The following BIRC6 variants were observed in gnomAD, a reference collection of about 807,000 sequenced individuals.
BIRC6 encodes the protein baculoviral IAP repeat containing 6.
A neutral mutation model predicts 503.3 loss-of-function variants in BIRC6; 98 were observed. The observed-to-expected ratio is 0.19, with a 90% CI of 0.17 to 0.23. The LOEUF (loss-of-function observed/expected upper bound fraction) is 0.23, where lower values mean the gene tolerates loss of function less well. Ranked by LOEUF, BIRC6 falls within the 10% of genes least tolerant of loss-of-function variation. The pLI, the probability that BIRC6 is intolerant of heterozygous loss-of-function variation, is 1.00. For missense variants in BIRC6, 5,360 were observed against 5,806.0 expected, an observed-to-expected ratio of 0.92 and a Z score of 2.50; for synonymous variants, 2,240 against 2,078.7, an observed-to-expected ratio of 1.08 and a Z score of -2.11.
At chr2:32,425,466 A>G (rs1173073188) in intron 10 of BIRC6, among the ~76,000 whole-genome samples, 1 of 140,430 alleles carries the variant, frequency 7.1e-6, no homozygotes, top group Non-Finnish European at 1.5e-5. Context: ...TAAATGGGCC[A>G]TACTTTGCTG....
chr2:32,490,887 A>T (rs1413125189), intron 43 of BIRC6, among the ~76,000 whole-genome samples: 2 of 152,016 alleles, frequency 1.3e-5, no homozygotes, highest in Non-Finnish European at 2.9e-5. Context: ...TTTCATTTGG[A>T]ATGTATTTTC....
intron 61 of BIRC6, among the ~76,000 whole-genome samples, chr2:32,542,145 T>A (rs2057710859): frequency 6.6e-6 from 1 of 152,058 alleles, no homozygotes; most frequent in Admixed American, 6.6e-5. Flanking sequence ...TACACATGTA[T>A]ACATACATGT....
intron 16 of BIRC6, among the ~76,000 whole-genome samples, chr2:32,440,442 T>C (rs2045283700): frequency 6.6e-6 from 1 of 152,156 alleles, no homozygotes; most frequent in Admixed American, 6.5e-5. Context: ...CTGTGAACCA[T>C]GCAGCTCCTT....
intron 15 of BIRC6, among the ~76,000 whole-genome samples, chr2:32,438,376 A>G (rs1482930266): frequency 6.6e-6 from 1 of 152,224 alleles, no homozygotes; most frequent in Admixed American, 6.5e-5. Context: ...GTAGCTAAGT[A>G]GAGTGATAGC....
intron 26 of BIRC6, 70 bp from the exon 27 acceptor site, chr2:32,467,455 A>G (rs376700285): frequency 8.8e-6 from 11 of 1,250,868 alleles, no homozygotes; most frequent in African/African-American, 4.5e-5. Flanking sequence ...GAGTGCTCCA[A>G]ATTATTTTTG....
intron 51 of BIRC6, among the ~76,000 whole-genome samples, chr2:32,508,974 C>T (rs964531068): frequency 6.6e-6 from 1 of 151,566 alleles, no homozygotes; most frequent in African/African-American, 2.4e-5. Flanking sequence ...GAGGCTGAGG[C>T]AGGAGAATCG....
intron 1 of BIRC6, among the ~76,000 whole-genome samples, chr2:32,370,415 T>G (rs1350993191): frequency 6.6e-6 from 1 of 152,208 alleles, no homozygotes; most frequent in Non-Finnish European, 1.5e-5. Flanking sequence ...GAACCTCTTC[T>G]GTGCTTAAGT....
Position 32,386,103 on chromosome 2 carries a change from T to G in BIRC6, c.646-2647T>G, listed in dbSNP as rs77205671. On this transcript the variant is annotated intron_variant, in intron 3 of 73. Coordinates refer to ENST00000421745, the MANE Select transcript of BIRC6 (RefSeq NM_016252.4). ...GATGTAGTGGACCATTATGTTGATC[T>G]GCAGGATGTTAGGATGATCAGGATT... 3.2e-3 allele frequency among the ~76,000 whole-genome samples: 493 copies of G among 152,354 alleles called. 1 individual carries two copies. Among genetic ancestry groups the G allele is most frequent in the African/African-American group, 0.011 (467 of 41,586 alleles).
In BIRC6 at chr2:32,358,233, C is replaced by T. The variant is rs977667573; in HGVS notation, c.325+747C>T. On this transcript the variant is annotated intron_variant, in intron 1 of 73. Transcript: ENST00000421745. ...GACCTGTGGTGTATGAAATAGATTCCTTTGGGTTTGTAACTTCAGGCTGTC... is the reference window on the plus strand; with the variant it reads ...GACCTGTGGTGTATGAAATAGATTCTTTTGGGTTTGTAACTTCAGGCTGTC... Among the ~76,000 whole-genome samples the T allele has an allele frequency of 2.6e-5, 4 of 152,166 alleles. No individual in the cohort carries two copies. In the South Asian group the frequency reaches 6.2e-4, roughly 24 times the overall value.
At chr2:32,535,150 C>CAAAAAAA (rs1158856665) in intron 61 of BIRC6, among the ~76,000 whole-genome samples, 1 of 7,274 alleles carries the variant, frequency 1.4e-4, no homozygotes, top group Non-Finnish European at 2.8e-4. Flanking sequence ...CCCAAAAAAG[C>CAAAAAAA]AAAAAAAAAA....
At chr2:32,464,936 C>G in intron 25 of BIRC6, 113 bp downstream of exon 25, 1 of 1,396,318 alleles carries the variant, frequency 7.2e-7, no homozygotes, top group Non-Finnish European at 9.6e-7. Flanking sequence ...AAGTTATTTT[C>G]TTTTATAAAA....
intron 11 of BIRC6, among the ~76,000 whole-genome samples, chr2:32,429,612 A>T (rs1049042707): frequency 2.6e-5 from 4 of 151,996 alleles, no homozygotes; most frequent in African/African-American, 9.7e-5. Context: ...GTCACTGAGG[A>T]TATATTTAGG....
intron 66 of BIRC6, among the ~76,000 whole-genome samples, chr2:32,576,270 C>T (rs2060257936): frequency 6.6e-6 from 1 of 152,164 alleles, no homozygotes; most frequent in Admixed American, 6.5e-5. Flanking sequence ...AGTCTTAATG[C>T]TTATCTTTAA....
At chr2:32,549,128 ACT>A (rs2058263673) in intron 64 of BIRC6, 183 bp from the exon 65 acceptor site, 1 of 414,552 alleles carries the variant, frequency 2.4e-6, no homozygotes. Flanking sequence ...TGTAAGCAAC[ACT>A]CTCAGACAAA....
At chr2:32,392,386 G>T (rs1013790656) in intron 5 of BIRC6, among the ~76,000 whole-genome samples, 5 of 152,154 alleles carry the variant, frequency 3.3e-5, no homozygotes, top group African/African-American at 1.2e-4. Flanking sequence ...TCCTTGAGTA[G>T]CTGGGAATAC....
At chr2:32,505,358 C>A in intron 50 of BIRC6, 153 bp downstream of exon 50, 1 of 628,864 alleles carries the variant, frequency 1.6e-6, no homozygotes, top group Non-Finnish European at 2.7e-6. Flanking sequence ...TTAATACTAC[C>A]AAGTCATTTT....
At chr2:32,516,835 TG>T (rs1365167600) in intron 55 of BIRC6, among the ~76,000 whole-genome samples, 2 of 152,144 alleles carry the variant, frequency 1.3e-5, no homozygotes, top group Non-Finnish European at 2.9e-5. Flanking sequence ...TAGCAATACC[TG>T]CCTCAAGGAT....
chr2:32,477,634 C>T (rs556163907), intron 35 of BIRC6, 51 bp downstream of exon 35: 2 of 1,434,198 alleles, frequency 1.4e-6, no homozygotes, highest in East Asian at 2.4e-5. Flanking sequence ...CGCAGTGGCT[C>T]ATGCCTGTAA....
In BIRC6 at chr2:32,518,905, C is replaced by T; in HGVS notation, c.11582C>T (p.Pro3861Leu). The T allele has an allele frequency of 1.2e-6, 2 of 1,613,832 alleles. No individual in the cohort carries two copies. Among genetic ancestry groups the T allele is most frequent in the Non-Finnish European group, 1.7e-6 (2 of 1,179,814 alleles). Residue 3861 changes from proline to leucine, a missense_variant, in exon 57 of 74, where the codon CCA becomes CTA. Coordinates refer to ENST00000421745, the MANE Select transcript of BIRC6 (RefSeq NM_016252.4). ...CACAAATTCCGTACTCTTCATTTGC[C>T]AGTCTCAACAACATTATCAGATGTT... Reference protein sequence around the residue: ...AGHKFRTLHLPVSTTLSDVLD... With the variant: ...AGHKFRTLHLLVSTTLSDVLD...
Sources: gnomAD v4.1 joint callset for allele counts (sites outside exome capture counted in the v4.1 genomes callset) on GRCh38, gnomAD v4.1.1 for gene constraint, MANE v1.5 for transcripts, NCBI Gene and HGNC (gene_info 2026-07-23, HGNC 2026-07-21) for gene names.